The following NET1 variants were observed in gnomAD, a reference collection of about 807,000 sequenced individuals.
NET1 encodes the protein neuroepithelial cell-transforming gene 1 protein.
In NET1, 42 loss-of-function variants were observed where a neutral mutation model predicts 61.1. That is an observed-to-expected ratio of 0.69 (90% CI 0.54 to 0.89). The LOEUF is 0.89. Ranked by LOEUF, NET1 falls within the 40% of genes least tolerant of loss-of-function variation. NET1 has a pLI of 0.00. For synonymous variants in NET1, 254 were observed against 281.8 expected (o/e 0.90, Z 0.99); for missense variants, 654 against 747.3 (o/e 0.88, Z 1.46).
chr10:5,458,380 GA>G lies in NET1; in HGVS notation c.*1390del, dbSNP rs1328011963. 9.3e-5 allele frequency: 14 copies of G among 151,204 alleles called. No homozygotes were observed. Among genetic ancestry groups the G allele is most frequent in the Non-Finnish European group, 1.8e-4 (12 of 67,764 alleles). The allele number at this position is 151,204 out of a possible 1,614,324, so 9.4% of individuals were successfully genotyped here. ...ATTTGGCCAGTGGAAATGATAATCAGAAAAGACTGTAAATAGATCCATCCAA... is the reference window on the plus strand; with the variant it reads ...ATTTGGCCAGTGGAAATGATAATCAGAAAGACTGTAAATAGATCCATCCAA... On this transcript the variant is annotated 3_prime_UTR_variant, in exon 12 of 12. Transcript: ENST00000355029. The surrounding 1 kb of genome is among the most constrained non-coding windows in gnomAD (Gnocchi z 4.5).
Position 5,451,471 on chromosome 10 carries a change from A to C in NET1, c.256-359A>C, listed in dbSNP as rs1043047926. On this transcript the variant is annotated intron_variant, in intron 3 of 11. Coordinates refer to ENST00000355029, the MANE Select transcript of NET1 (RefSeq NM_001047160.3). The surrounding 1 kb of genome is among the most constrained non-coding windows in gnomAD (Gnocchi z 6.1). ...ATCCATTATGCCATTCTCCACTTTC[A>C]TGTATGTTCGAAAATTTTCATAACA... 6.6e-6 allele frequency among the ~76,000 whole-genome samples: 1 copy of C among 151,326 alleles called. No individual in the cohort carries two copies. Among genetic ancestry groups the C allele is most frequent in the African/African-American group, 2.4e-5 (1 of 41,202 alleles).
intron 3 of NET1, among the ~76,000 whole-genome samples, chr10:5,430,286 A>G (rs1356848000): frequency 2.0e-5 from 3 of 152,204 alleles, no homozygotes; most frequent in South Asian, 4.1e-4. Context: ...GCAGTTATCA[A>G]TATATGAATT....
rs1278928212 is a variant in NET1 at position 5,446,240 on chromosome 10, A to T, written c.256-5590A>T. ...CTGGAAAATTAGGCTTTTCTTCATT[A>T]TATATGTTGATTCAGCCCTATCGAA... On this transcript the variant is annotated intron_variant, in intron 3 of 11. Coordinates refer to ENST00000355029, the MANE Select transcript of NET1 (RefSeq NM_001047160.3). This position sits in a 1 kb window ranked among gnomAD's most constrained non-coding sequence, Gnocchi z 5.0. 2.0e-5 allele frequency among the ~76,000 whole-genome samples: 3 copies of T among 152,162 alleles called. No individual in the cohort carries two copies. The East Asian group carries it at 5.8e-4, about 29-fold the overall frequency.
In NET1 at chr10:5,453,121, ATTTAT is replaced by A; in HGVS notation, c.595-123_595-119del. On this transcript the variant is annotated intron_variant, in intron 6 of 11. Transcript: ENST00000355029. The surrounding 1 kb of genome is among the most constrained non-coding windows in gnomAD (Gnocchi z 4.9). Reference sequence around the variant, plus strand: ...TTTATTTGGGGATTAATACATACTAATTTATTTTATGTGTAGCAAACAGAATCCAC... The same window carrying A: ...TTTATTTGGGGATTAATACATACTAATTTATGTGTAGCAAACAGAATCCAC... 1.3e-6 allele frequency: 1 copy of A among 743,150 alleles called. No individual in the cohort carries two copies. Among genetic ancestry groups the A allele is most frequent in the Non-Finnish European group, 2.4e-6 (1 of 423,186 alleles). 46.0% of individuals were successfully genotyped at this position (743,150 alleles called of 1,614,324 possible).
rs529296184 is a variant in NET1 at position 5,453,676 on chromosome 10, C to T, written c.768+116C>T. 2.6e-4 allele frequency: 225 copies of T among 857,968 alleles called. 1 individual carries two copies. The African/African-American group carries it at 3.3e-3, about 13-fold the overall frequency. The allele number at this position is 857,968 out of a possible 1,614,324, so 53.1% of individuals were successfully genotyped here. A position where few individuals can be genotyped will look rare whatever the true frequency, so the allele number is the denominator to read the frequency against. On this transcript the variant is annotated intron_variant, in intron 8 of 11. Coordinates refer to ENST00000355029, the MANE Select transcript of NET1 (RefSeq NM_001047160.3). This position sits in a 1 kb window ranked among gnomAD's most constrained non-coding sequence, Gnocchi z 4.9. ...AACTCTGTTCTACAAACACATAAGG[C>T]GTTAAAACTGAACAAATTTACAGTG...
chr10:5,432,294 A>G (rs181645970), intron 3 of NET1, among the ~76,000 whole-genome samples: 1 of 152,192 alleles, frequency 6.6e-6, no homozygotes, highest in African/African-American at 2.4e-5. Context: ...ATTTAACTTA[A>G]TCTTATCAGT....
rs12263049 is a variant in NET1, at chr10:5,454,297, T to C, written c.801T>C (p.Cys267=). The part of the protein sequence containing the change: ...LPRLNAYRGY[C]SNQLAAKALL... ...GCTTGAATGCCTACAGAGGTTACTG[T>C]AGTAACCAGCTGGCAGCCAAAGCTC... is the stretch of plus-strand genomic sequence containing the variant. Residue 267 remains cysteine, a synonymous_variant, in exon 9 of 12, where the codon TGT becomes TGC. Transcript: ENST00000355029. This position sits in a 1 kb window ranked among gnomAD's most constrained non-coding sequence, Gnocchi z 8.1. The C allele has an allele frequency of 5.8e-3, 9,346 of 1,613,954 alleles. 244 individuals carry two copies. The highest frequency in any genetic ancestry group is 0.046 in the African/African-American group (3,445 of 74,996).
rs1588437260 is a variant in NET1, at chr10:5,447,750, T to C, written c.256-4080T>C. Among the ~76,000 whole-genome samples the C allele has an allele frequency of 6.6e-6, 1 of 152,216 alleles. No homozygotes were observed. The highest frequency in any genetic ancestry group is 1.5e-5 in the Non-Finnish European group (1 of 68,024). ...CCGTCTTCAGGAAGTACACTTTTAT[T>C]TGGTGTGGTTTGGCTTTGGTTTTTG... On this transcript the variant is annotated intron_variant, in intron 3 of 11. Coordinates refer to ENST00000355029, the MANE Select transcript of NET1 (RefSeq NM_001047160.3). The surrounding 1 kb of genome is among the most constrained non-coding windows in gnomAD (Gnocchi z 4.1).
rs948879809 is a variant in NET1 at position 5,426,600 on chromosome 10, C to G, written c.129-55C>G. 6.7e-6 allele frequency: 9 copies of G among 1,341,166 alleles called. No individual in the cohort carries two copies. In the African/African-American group the frequency reaches 1.2e-4, roughly 17 times the overall value. The allele number at this position is 1,341,166 out of a possible 1,614,324, so 83.1% of individuals were successfully genotyped here. ...AGTATAGCTTTTTATCTGTTTGATG[C>G]TCTATTATGCTAAAGTCAATCTCTT... is the stretch of plus-strand genomic sequence containing the variant. On this transcript the variant is annotated intron_variant, in intron 1 of 11. Coordinates refer to ENST00000355029, the MANE Select transcript of NET1 (RefSeq NM_001047160.3). This position sits in a 1 kb window ranked among gnomAD's most constrained non-coding sequence, Gnocchi z 4.6.
At position 5,454,635 on chromosome 10, in the gene NET1, G is replaced by GT. The variant is rs1203856212; in HGVS notation, c.1026+117dup. The GT allele has an allele frequency of 7.8e-7, 1 of 1,283,900 alleles. No individual in the cohort carries two copies. The highest frequency in any genetic ancestry group is 1.1e-6 in the Non-Finnish European group (1 of 932,960). The allele number at this position is 1,283,900 out of a possible 1,614,324, so 79.5% of individuals were successfully genotyped here. ...CATCAGCATAGTGAATTGTTTTGTTGTTTTAAGTACCCAGTGCGTTAGTAC... is the reference window on the plus strand; with the variant it reads ...CATCAGCATAGTGAATTGTTTTGTTGTTTTTAAGTACCCAGTGCGTTAGTAC... On this transcript the variant is annotated intron_variant, in intron 9 of 11. Transcript: ENST00000355029. This position sits in a 1 kb window ranked among gnomAD's most constrained non-coding sequence, Gnocchi z 8.1.
At position 5,447,678 on chromosome 10, in the gene NET1, T is replaced by C. The variant is rs1220646852; in HGVS notation, c.256-4152T>C. ...TTACTGAATACCCCAGCAAAGTTGC[T>C]TGTCATGTGTACACATACACACACC... is the stretch of plus-strand genomic sequence containing the variant. On this transcript the variant is annotated intron_variant, in intron 3 of 11. Transcript: ENST00000355029. This position sits in a 1 kb window ranked among gnomAD's most constrained non-coding sequence, Gnocchi z 4.1. 6.6e-6 allele frequency among the ~76,000 whole-genome samples: 1 copy of C among 152,244 alleles called. No homozygotes were observed. The highest frequency in any genetic ancestry group is 1.5e-5 in the Non-Finnish European group (1 of 68,040).
In NET1 at chr10:5,455,683, AG is replaced by A. The variant is rs200693025; in HGVS notation, c.1198-402del. On this transcript the variant is annotated intron_variant, in intron 10 of 11. Coordinates refer to ENST00000355029, the MANE Select transcript of NET1 (RefSeq NM_001047160.3). The surrounding 1 kb of genome is among the most constrained non-coding windows in gnomAD (Gnocchi z 6.5). Reference sequence around the variant, plus strand: ...TCCCTCACGAGGGGAAAATTTATAAAGGTATAAATTTGTGTGGGACAAAATA... The same window carrying A: ...TCCCTCACGAGGGGAAAATTTATAAAGTATAAATTTGTGTGGGACAAAATA... Among the ~76,000 whole-genome samples, 1,103 of 152,344 alleles carry A rather than the reference AG, an allele frequency of 7.2e-3. 9 individuals carry two copies. The highest frequency in any genetic ancestry group is 0.025 in the African/African-American group (1,054 of 41,572).
intron 2 of NET1, among the ~76,000 whole-genome samples, chr10:5,428,757 C>CT (rs1832300980): frequency 6.7e-6 from 1 of 148,774 alleles, no homozygotes; most frequent in Non-Finnish European, 1.5e-5. Flanking sequence ...AAATCTTGCT[C>CT]TGTCACCCAG....
intron 3 of NET1, among the ~76,000 whole-genome samples, chr10:5,442,813 GT>G (rs1304518196): frequency 6.6e-6 from 1 of 150,678 alleles, no homozygotes; most frequent in African/African-American, 2.4e-5. Flanking sequence ...GGAGGCAGAG[GT>G]TGCAGTGAGC....
Position 5,454,201 on chromosome 10 carries a change from A to G in NET1, c.769-64A>G. ...TGTACATTTTGTGTTTCATGTTTGCAGGCTTGTTAATGCACTCGGTCATAA... is the reference window on the plus strand; with the variant it reads ...TGTACATTTTGTGTTTCATGTTTGCGGGCTTGTTAATGCACTCGGTCATAA... On this transcript the variant is annotated intron_variant, in intron 8 of 11. Coordinates refer to ENST00000355029, the MANE Select transcript of NET1 (RefSeq NM_001047160.3). The surrounding 1 kb of genome is among the most constrained non-coding windows in gnomAD (Gnocchi z 8.1). 1 of 1,494,416 alleles carries G rather than the reference A, an allele frequency of 6.7e-7. No homozygotes were observed. Among genetic ancestry groups the G allele is most frequent in the Non-Finnish European group, 9.0e-7 (1 of 1,106,940 alleles). 92.6% of individuals were successfully genotyped at this position (1,494,416 alleles called of 1,614,324 possible). A position where few individuals can be genotyped will look rare whatever the true frequency, so the allele number is the denominator to read the frequency against.
At chr10:5,448,260 G>A (rs1045624966) in intron 3 of NET1, among the ~76,000 whole-genome samples, 3 of 152,162 alleles carry the variant, frequency 2.0e-5, no homozygotes, top group Non-Finnish European at 4.4e-5. Flanking sequence ...GGCATCATTA[G>A]AAGAAAAAGC....
intron 1 of NET1, among the ~76,000 whole-genome samples, chr10:5,413,462 T>TA (rs1164670742): frequency 3.9e-5 from 6 of 152,072 alleles, no homozygotes; most frequent in African/African-American, 1.2e-4. Context: ...AATGAGAGTG[T>TA]ATGACTCGTG....
In NET1 at chr10:5,435,220, A is replaced by G. The variant is rs1189969703; in HGVS notation, c.255+5991A>G. ...TGGAGGAATAGGGGAGGAAATGAGG[A>G]TAAGTGACATTGGGACCTAGGAACA... On this transcript the variant is annotated intron_variant, in intron 3 of 11. Coordinates refer to ENST00000355029, the MANE Select transcript of NET1 (RefSeq NM_001047160.3). The surrounding 1 kb of genome is among the most constrained non-coding windows in gnomAD (Gnocchi z 5.0). Among the ~76,000 whole-genome samples, 1 of 152,190 alleles carries G rather than the reference A, an allele frequency of 6.6e-6. No homozygotes were observed. Among genetic ancestry groups the G allele is most frequent in the Non-Finnish European group, 1.5e-5 (1 of 68,032 alleles).
chr10:5,456,760 C>A lies in NET1; in HGVS notation c.1557C>A (p.His519Gln). 1 of 1,613,804 alleles carries A rather than the reference C, an allele frequency of 6.2e-7. No individual in the cohort carries two copies. The highest frequency in any genetic ancestry group is 1.3e-5 in the African/African-American group (1 of 75,000). Residue 519 changes from histidine (H) to glutamine (Q), a missense_variant, in exon 12 of 12, where the codon CAC (histidine) becomes CAA (glutamine). By Grantham distance (24) the His-to-Gln change is conservative. Transcript: ENST00000355029. The surrounding 1 kb of genome is among the most constrained non-coding windows in gnomAD (Gnocchi z 7.0). ...PPELQGLPEL[H>Q]EECEGNHPSA... ...AGCTGCAGGGCCTGCCGGAGCTGCA[C>A]GAAGAGTGTGAGGGGAACCACCCCT...
Sources: gnomAD v4.1 joint callset for allele counts (sites outside exome capture counted in the v4.1 genomes callset) on GRCh38, gnomAD v4.1.1 for gene constraint, Gnocchi (gnomAD v3.1) non-coding constraint, MANE v1.5 for transcripts, NCBI Gene and HGNC (gene_info 2026-07-23, HGNC 2026-07-21) for gene names.